Variants in RUFY3 observed in about 807,000 individuals in gnomAD.
The protein encoded by RUFY3 is RUN and FYVE domain containing 3.
In RUFY3, 34 loss-of-function variants were observed where a neutral mutation model predicts 84.0. That is an observed-to-expected ratio of 0.40 (90% CI 0.31 to 0.54). The LOEUF is 0.54. Ranked by LOEUF, RUFY3 falls within the 20% of genes least tolerant of loss-of-function variation. RUFY3 has a pLI of 0.39. For missense variants in RUFY3, 507 were observed against 736.8 expected (o/e 0.69, Z 3.61); for synonymous variants, 242 against 252.9 (o/e 0.96, Z 0.41).
intron 1 of RUFY3, among the ~76,000 whole-genome samples, chr4:70,710,991 G>A (rs1379649481): frequency 6.8e-6 from 1 of 147,922 alleles, no homozygotes; most frequent in Non-Finnish European, 1.5e-5. Flanking sequence ...CTTGAACCCA[G>A]GAGGCAGAGG....
intron 1 of RUFY3, among the ~76,000 whole-genome samples, chr4:70,758,484 C>T (rs959537656): frequency 3.9e-5 from 6 of 152,000 alleles, no homozygotes; most frequent in African/African-American, 1.4e-4. Flanking sequence ...GTATACTATT[C>T]AGCACAAAAA....
At chr4:70,792,327 T>C (rs934290378) in intron 12 of RUFY3, 2 of 974,842 alleles carry the variant, frequency 2.1e-6, no homozygotes, top group African/African-American at 3.5e-5. Context: ...AATTGAATTA[T>C]TAGAAAAACA....
Position 70,778,378 on chromosome 4 carries a change from A to G in RUFY3, c.834A>G (p.Val278=). ...CTTCTCTATATTATAGTGCTACTGTAAACAACCTTCAGGCAAAAGTAGATG... is the reference window on the plus strand; with the variant it reads ...CTTCTCTATATTATAGTGCTACTGTGAACAACCTTCAGGCAAAAGTAGATG... ...EELNRHLNAT[V]NNLQAKVDAL... The change falls in exon 8 of 18, where the codon GTA becomes GTG. Residue 278 remains valine, a synonymous_variant. Coordinates refer to ENST00000381006, the MANE Select transcript of RUFY3 (RefSeq NM_001037442.4). 1 of 1,593,920 alleles carries G rather than the reference A, an allele frequency of 6.3e-7. No homozygotes were observed. Among genetic ancestry groups the G allele is most frequent in the East Asian group, 2.2e-5 (1 of 44,642 alleles).
chr4:70,706,043 C>T (rs75629833), intron 1 of RUFY3, among the ~76,000 whole-genome samples: 5 of 152,310 alleles, frequency 3.3e-5, no homozygotes, highest in Non-Finnish European at 5.9e-5. Flanking sequence ...CTGACCCACA[C>T]TCCGTGCTGT....
intron 2 of RUFY3, among the ~76,000 whole-genome samples, chr4:70,762,987 C>T (rs1427090563): frequency 6.6e-6 from 1 of 152,136 alleles, no homozygotes; most frequent in African/African-American, 2.4e-5. Context: ...TGAGACATGA[C>T]TTGGTCAAGG....
chr4:70,794,231 C>T (rs560025559), intron 13 of RUFY3, among the ~76,000 whole-genome samples: 1 of 152,298 alleles, frequency 6.6e-6, no homozygotes, highest in Non-Finnish European at 1.5e-5. Context: ...GCAAACTCTC[C>T]TAATATCTTC....
Position 70,775,262 on chromosome 4 carries a change from C to A in RUFY3, c.824+29C>A, listed in dbSNP as rs377117232. 4.3e-6 allele frequency: 6 copies of A among 1,404,560 alleles called. No individual in the cohort carries two copies. In the Middle Eastern group the frequency reaches 5.5e-4, roughly 128 times the overall value. 87.0% of individuals were successfully genotyped at this position (1,404,560 alleles called of 1,614,324 possible). A position where few individuals can be genotyped will look rare whatever the true frequency, so the allele number is the denominator to read the frequency against. Reference sequence around the variant, plus strand: ...AATAATGAATAAATATATTACTTTACTGGGGAATTGTTGAAGGAGAAGGGA... The same window carrying A: ...AATAATGAATAAATATATTACTTTAATGGGGAATTGTTGAAGGAGAAGGGA... On this transcript the variant is annotated intron_variant, in intron 7 of 17. Coordinates refer to ENST00000381006, the MANE Select transcript of RUFY3 (RefSeq NM_001037442.4).
chr4:70,780,244 C>T (rs1249691579), intron 8 of RUFY3, among the ~76,000 whole-genome samples: 1 of 152,074 alleles, frequency 6.6e-6, no homozygotes, highest in African/African-American at 2.4e-5. Flanking sequence ...GGTTCATGTC[C>T]TGGCTCTGGC....
chr4:70,806,646 C>T lies in RUFY3; in HGVS notation c.1850C>T (p.Thr617Ile). ...CHKHLMKQYS[T>I]SPS is the part of the protein sequence containing the mutation. ...AAGCATCTGATGAAGCAATATTCTA[C>T]CAGCCCATCATAAGACTGGAGGCCA... The change falls in exon 18 of 18, where the codon ACC becomes ATC. Residue 617 changes from threonine to isoleucine, a missense_variant. This residue lies in a region of RUFY3 where 334 missense variants were observed against 364.1 expected (regional missense o/e 0.92). Transcript: ENST00000381006. 6.2e-7 allele frequency: 1 copy of T among 1,614,072 alleles called. No homozygotes were observed. Among genetic ancestry groups the T allele is most frequent in the Non-Finnish European group, 8.5e-7 (1 of 1,179,990 alleles).
chr4:70,775,597 T>C (rs952921025), intron 7 of RUFY3, among the ~76,000 whole-genome samples: 3 of 152,164 alleles, frequency 2.0e-5, no homozygotes, highest in Admixed American at 6.6e-5. Flanking sequence ...TAGAGATAGC[T>C]GCATATTTCA....
At chr4:70,758,452 A>G (rs1004674464) in intron 1 of RUFY3, among the ~76,000 whole-genome samples, 1 of 152,160 alleles carries the variant, frequency 6.6e-6, no homozygotes, top group Non-Finnish European at 1.5e-5. Flanking sequence ...GCAACATAGC[A>G]AGACTAAATA....
intron 12 of RUFY3, chr4:70,792,120 T>C: frequency 9.1e-6 from 9 of 985,572 alleles, no homozygotes; most frequent in Non-Finnish European, 1.1e-5. Context: ...AAAACACTCC[T>C]CTCCTATTAA....
intron 1 of RUFY3, among the ~76,000 whole-genome samples, chr4:70,736,176 A>AAAAGG: frequency 6.6e-6 from 1 of 151,952 alleles, no homozygotes; most frequent in African/African-American, 2.4e-5. Flanking sequence ...AAAAGAAAAG[A>AAAAGG]AAAGGAAAGA....
chr4:70,777,437 G>C (rs1728151273), intron 7 of RUFY3, among the ~76,000 whole-genome samples: 1 of 152,078 alleles, frequency 6.6e-6, no homozygotes, highest in Admixed American at 6.5e-5. Flanking sequence ...GTTCTCTTAT[G>C]AAAAATAGAC....
Position 70,793,812 on chromosome 4 carries a change from A to G in RUFY3, c.1365A>G (p.Gln455=), listed in dbSNP as rs369468326. The G allele has an allele frequency of 1.3e-4, 217 of 1,613,992 alleles. No individual in the cohort carries two copies. The Middle Eastern group carries it at 1.5e-3, about 11-fold the overall frequency. ...TGCGCCAGGCTGAGCGAAGCCGCCA[A>G]TCTGCTGAGTTGGACAACCGGCTCT... is the stretch of plus-strand genomic sequence containing the variant. ...QRLRQAERSR[Q]SAELDNRLFK... is the part of the protein sequence containing the mutation. Residue 455 remains glutamine, a synonymous_variant, in exon 13 of 18, where the codon CAA becomes CAG. Transcript: ENST00000381006.
chr4:70,783,178 C>T lies in RUFY3; in HGVS notation c.982C>T (p.Arg328Trp), dbSNP rs1420710002. ...EESSYILESN[R>W]KGPKQDRTAE... is the part of the protein sequence containing the mutation. ...AAGTTCCTACATACTGGAATCCAAT[C>T]GGAAGGTTAATCTTACTGGATTTAT... Residue 328 changes from arginine to tryptophan, a missense_variant, in exon 9 of 18, where the codon CGG becomes TGG. By Grantham distance (101) the Arg-to-Trp change is moderately radical. Coordinates refer to ENST00000381006, the MANE Select transcript of RUFY3 (RefSeq NM_001037442.4). 3.8e-6 allele frequency: 6 copies of T among 1,575,624 alleles called. No homozygotes were observed. The highest frequency in any genetic ancestry group is 1.7e-5 in the Admixed American group (1 of 59,262).
chr4:70,751,283 A>T (rs779091516), intron 1 of RUFY3, among the ~76,000 whole-genome samples: 1 of 152,164 alleles, frequency 6.6e-6, no homozygotes, highest in African/African-American at 2.4e-5. Flanking sequence ...ACATGTTTTC[A>T]TATTGAAAAT....
chr4:70,784,488 A>AG (rs1380072092), intron 9 of RUFY3, among the ~76,000 whole-genome samples: 8 of 151,988 alleles, frequency 5.3e-5, no homozygotes, highest in Non-Finnish European at 8.8e-5. Flanking sequence ...GTCTCAAAAA[A>AG]GAAAAAAAAA....
chr4:70,802,137 TG>T (rs1732306913), intron 15 of RUFY3, among the ~76,000 whole-genome samples: 1 of 152,232 alleles, frequency 6.6e-6, no homozygotes, highest in Non-Finnish European at 1.5e-5. Context: ...CTGTTTATCA[TG>T]TCTACTGTTT....
Sources: gnomAD v4.1 joint callset for allele counts (sites outside exome capture counted in the v4.1 genomes callset) on GRCh38, gnomAD v4.1.1 for gene constraint, gnomAD v4.1.1 regional missense constraint, MANE v1.5 for transcripts, NCBI Gene and HGNC (gene_info 2026-07-23, HGNC 2026-07-21) for gene names.